Variants in RNF111 observed in about 807,000 individuals in gnomAD.
RNF111 encodes E3 ubiquitin-protein ligase Arkadia.
Under a neutral mutation model 95.1 loss-of-function variants are expected in RNF111, and 17 were observed. The observed-to-expected ratio is 0.18, with a 90% confidence interval of 0.12 to 0.27. The LOEUF is 0.27. Ranked by LOEUF, RNF111 falls within the 10% of genes least tolerant of loss-of-function variation. The probability of loss-of-function intolerance (pLI) is 1.00; values close to 1 mark genes in which losing one functional copy is unlikely to be tolerated. For missense variants in RNF111, 1,189 were observed against 1,210.4 expected, an observed-to-expected ratio of 0.98 and a Z score of 0.26; for synonymous variants, 440 against 414.8, an observed-to-expected ratio of 1.06 and a Z score of -0.74.
intron 7 of RNF111, among the ~76,000 whole-genome samples, chr15:59,078,006 T>C (rs2078616522): frequency 6.6e-6 from 1 of 152,336 alleles, no homozygotes; most frequent in Non-Finnish European, 1.5e-5. Flanking sequence ...CCTTTTTTCA[T>C]CCAGAATGAA....
At chr15:59,051,059 T>G (rs1307241150) in intron 2 of RNF111, among the ~76,000 whole-genome samples, 1 of 152,198 alleles carries the variant, frequency 6.6e-6, no homozygotes, top group African/African-American at 2.4e-5. Context: ...TAAAGAATAT[T>G]AAAGACTTGG....
At chr15:59,034,657 A>G (rs1195264768) in intron 2 of RNF111, among the ~76,000 whole-genome samples, 1 of 152,194 alleles carries the variant, frequency 6.6e-6, no homozygotes, top group Non-Finnish European at 1.5e-5. Flanking sequence ...TCTTTCAAAT[A>G]ATTAACTTCC....
At chr15:59,013,991 A>G (rs1474015250) in intron 1 of RNF111, among the ~76,000 whole-genome samples, 1 of 151,998 alleles carries the variant, frequency 6.6e-6, no homozygotes, top group Non-Finnish European at 1.5e-5. Context: ...AGGTTTCACT[A>G]TATTGCCCAG....
intron 2 of RNF111, among the ~76,000 whole-genome samples, chr15:59,042,109 C>A (rs1318111368): frequency 1.3e-5 from 2 of 151,674 alleles, no homozygotes; most frequent in East Asian, 1.9e-4. Flanking sequence ...TCTTGACTTA[C>A]ATACTTTTAT....
intron 1 of RNF111, among the ~76,000 whole-genome samples, chr15:58,993,788 G>A (rs1181457710): frequency 2.6e-5 from 4 of 152,098 alleles, no homozygotes; most frequent in African/African-American, 9.7e-5. Flanking sequence ...TTAACATGGA[G>A]AAGATTTTTG....
intron 1 of RNF111, among the ~76,000 whole-genome samples, chr15:59,001,976 C>G (rs996527575): frequency 1.3e-5 from 2 of 152,140 alleles, no homozygotes; most frequent in Non-Finnish European, 2.9e-5. Flanking sequence ...AATGTCATCT[C>G]TCAAAATATT....
Position 59,085,690 on chromosome 15 carries a change from G to A in RNF111, c.2455G>A (p.Ala819Thr). 2 of 1,613,486 alleles carry A rather than the reference G, an allele frequency of 1.2e-6. No homozygotes were observed. Among genetic ancestry groups the A allele is most frequent in the Non-Finnish European group, 1.7e-6 (2 of 1,179,624 alleles). The change falls in exon 10 of 14, where the codon GCT becomes ACT. Residue 819 changes from alanine (A) to threonine (T), a missense_variant. This residue lies in a region of RNF111 where 165 missense variants were observed against 284.6 expected (regional missense o/e 0.58). Transcript: ENST00000348370. ...GGGAATTGAAGCTGGAGTGACTGCAGCTACTTATACACCTGGTGCATTGCA... is the reference window on the plus strand; with the variant it reads ...GGGAATTGAAGCTGGAGTGACTGCAACTACTTATACACCTGGTGCATTGCA... The part of the protein sequence containing the change: ...ELGIEAGVTA[A>T]TYTPGALHPH...
chr15:59,023,821 C>T (rs889673951), intron 1 of RNF111, among the ~76,000 whole-genome samples: 4 of 152,052 alleles, frequency 2.6e-5, no homozygotes, highest in Admixed American at 6.6e-5. Flanking sequence ...CCAAACAAAC[C>T]ATGTCTGTGA....
chr15:59,077,524 C>A (rs1566936811), intron 7 of RNF111, among the ~76,000 whole-genome samples: 1 of 152,100 alleles, frequency 6.6e-6, no homozygotes, highest in Non-Finnish European at 1.5e-5. Flanking sequence ...AATGGGAAAT[C>A]AAACATATTC....
At chr15:59,013,677 G>C (rs2039932723) in intron 1 of RNF111, among the ~76,000 whole-genome samples, 1 of 152,186 alleles carries the variant, frequency 6.6e-6, no homozygotes, top group Non-Finnish European at 1.5e-5. Flanking sequence ...AGATTGGTGG[G>C]GGAGGGGTTG....
intron 1 of RNF111, among the ~76,000 whole-genome samples, chr15:59,030,575 G>T (rs975495764): frequency 6.6e-6 from 1 of 152,130 alleles, no homozygotes; most frequent in African/African-American, 2.4e-5. Context: ...GTAGGCTTAT[G>T]CTCTATATCT....
At position 59,080,962 on chromosome 15, in the gene RNF111, C is replaced by G; in HGVS notation, c.1975C>G (p.His659Asp). 1 of 1,612,918 alleles carries G rather than the reference C, an allele frequency of 6.2e-7. No individual in the cohort carries two copies. Among genetic ancestry groups the G allele is most frequent in the Non-Finnish European group, 8.5e-7 (1 of 1,179,338 alleles). Residue 659 changes from histidine (H) to aspartate (D), a missense_variant, in exon 8 of 14, where the codon CAT becomes GAT. By Grantham distance (81) the His-to-Asp change is moderately conservative. Transcript: ENST00000348370. Reference sequence around the variant, plus strand: ...TGCCTCTTTGACAAGGCCACTTCATCATCAAGCTTCTGCCTGCCCGCATTC... The same window carrying G: ...TGCCTCTTTGACAAGGCCACTTCATGATCAAGCTTCTGCCTGCCCGCATTC... ...PYASLTRPLH[H>D]QASACPHSHG...
chr15:59,093,337 CTTTTTTT>C (rs1236130195), intron 13 of RNF111: 11 of 272,800 alleles, frequency 4.0e-5, no homozygotes, highest in East Asian at 2.7e-4. Flanking sequence ...TTTACAGCAT[CTTTTTTT>C]TTTTTTTTTT....
chr15:59,085,994 A>G (rs2078888034), intron 10 of RNF111, among the ~76,000 whole-genome samples: 1 of 152,222 alleles, frequency 6.6e-6, no homozygotes, highest in South Asian at 2.1e-4. Flanking sequence ...AATGTACGAC[A>G]TGACAAAAAA....
chr15:59,006,543 A>C (rs572037241), intron 1 of RNF111, among the ~76,000 whole-genome samples: 1 of 152,354 alleles, frequency 6.6e-6, no homozygotes, highest in South Asian at 2.1e-4. Flanking sequence ...AAGATGAAAG[A>C]ATTGTACAGT....
chr15:59,025,644 A>G (rs892896902), intron 1 of RNF111, among the ~76,000 whole-genome samples: 1 of 152,152 alleles, frequency 6.6e-6, no homozygotes, highest in Non-Finnish European at 1.5e-5. Flanking sequence ...TTAAAAAGAT[A>G]GTTAAATGGT....
intron 1 of RNF111, among the ~76,000 whole-genome samples, chr15:59,024,367 A>G (rs976559035): frequency 1.3e-5 from 2 of 152,186 alleles, no homozygotes; most frequent in African/African-American, 4.8e-5. Context: ...AACTGTTTTC[A>G]TTGCTAGAGA....
At chr15:59,093,776 T>G (rs2079123311) in intron 13 of RNF111, among the ~76,000 whole-genome samples, 1 of 152,172 alleles carries the variant, frequency 6.6e-6, no homozygotes, top group Non-Finnish European at 1.5e-5. Flanking sequence ...AGGATAACTT[T>G]GTCGTACCTC....
chr15:59,081,124 T>A lies in RNF111; in HGVS notation c.2137T>A (p.Leu713Ile), dbSNP rs2078729391. The change falls in exon 8 of 14, where the codon TTA (leucine) becomes ATA (isoleucine). Residue 713 changes from leucine to isoleucine, a missense_variant. This residue lies in a region of RNF111 where 1,024 missense variants were observed against 925.9 expected (regional missense o/e 1.11). Coordinates refer to ENST00000348370, the MANE Select transcript of RNF111 (RefSeq NM_017610.8). ...TGTGGCACCCCCACCACCAACTCAC[T>A]TAGCCAGTACAGCTGCACCAATCCC... ...HPVAPPPPTHLASTAAPIPQH... is the reference protein window; with the variant it reads ...HPVAPPPPTHIASTAAPIPQH... 1.2e-6 allele frequency: 2 copies of A among 1,613,942 alleles called. No homozygotes were observed. Among genetic ancestry groups the A allele is most frequent in the African/African-American group, 2.7e-5 (2 of 74,892 alleles).
Sources: gnomAD v4.1 joint callset for allele counts (sites outside exome capture counted in the v4.1 genomes callset) on GRCh38, gnomAD v4.1.1 for gene constraint, gnomAD v4.1.1 regional missense constraint, MANE v1.5 for transcripts, NCBI Gene and HGNC (gene_info 2026-07-23, HGNC 2026-07-21) for gene names.